The following SAMD5 variants were observed in gnomAD, a reference collection of about 807,000 sequenced individuals.
SAMD5 encodes sterile alpha motif domain containing 5.
A neutral mutation model predicts 11.3 loss-of-function variants in SAMD5; 13 were observed. That is an observed-to-expected ratio of 1.15 (90% confidence interval 0.75 to 1.83). The LOEUF is 1.83. SAMD5 is among the 40% of genes most tolerant of loss of function. The probability of loss-of-function intolerance (pLI) is 0.00; values close to 1 mark genes in which losing one functional copy is unlikely to be tolerated. For synonymous variants in SAMD5, 129 were observed against 111.3 expected (o/e 1.16, Z -1.00); for missense variants, 255 against 239.1 (o/e 1.07, Z -0.44).
intron 1 of SAMD5, among the ~76,000 whole-genome samples, chr6:147,523,000 G>A (rs928789773): frequency 1.3e-5 from 2 of 152,028 alleles, no homozygotes; most frequent in African/African-American, 2.4e-5. Context: ...TTTTTTCTCA[G>A]TATAGTTGAG....
At chr6:147,916,215 A>G in the SAMD5 span, among the ~76,000 whole-genome samples, 1 of 152,016 alleles carries the variant, frequency 6.6e-6, no homozygotes, top group African/African-American at 2.4e-5. Flanking sequence ...ATAAACATAC[A>G]TGTGCATGTG....
At chr6:147,826,980 C>T in the SAMD5 span, among the ~76,000 whole-genome samples, 1 of 152,132 alleles carries the variant, frequency 6.6e-6, no homozygotes, top group Admixed American at 6.6e-5. Flanking sequence ...TGTCAATCAT[C>T]CTACACCCGC....
At chr6:147,819,394 A>G in the SAMD5 span, among the ~76,000 whole-genome samples, 1 of 152,138 alleles carries the variant, frequency 6.6e-6, no homozygotes, top group Non-Finnish European at 1.5e-5. Flanking sequence ...AGGTTTTGAC[A>G]CAGATTTACC....
chr6:147,838,819 C>A, the SAMD5 span, among the ~76,000 whole-genome samples: 2 of 152,262 alleles, frequency 1.3e-5, no homozygotes, highest in African/African-American at 4.8e-5. Flanking sequence ...AAGGCAGCAG[C>A]CCTCCACATA....
At chr6:147,856,472 A>G in the SAMD5 span, among the ~76,000 whole-genome samples, 1 of 152,238 alleles carries the variant, frequency 6.6e-6, no homozygotes, top group African/African-American at 2.4e-5. Flanking sequence ...AAGAAGTTAC[A>G]AAGTAGCCAT....
intron 1 of SAMD5, among the ~76,000 whole-genome samples, chr6:147,713,824 C>G (rs1791431048): frequency 6.6e-6 from 1 of 152,108 alleles, no homozygotes; most frequent in African/African-American, 2.4e-5. Context: ...TTCCCCTCTT[C>G]TCTCCTCCCT....
At chr6:147,752,686 A>G in the SAMD5 span, among the ~76,000 whole-genome samples, 139 of 152,246 alleles carry the variant, frequency 9.1e-4, no homozygotes, top group Non-Finnish European at 1.2e-4. Context: ...CTGAAATTGT[A>G]TTATATTTAC....
chr6:147,606,450 C>A (rs1181052530), intron 1 of SAMD5, among the ~76,000 whole-genome samples: 1 of 151,676 alleles, frequency 6.6e-6, no homozygotes, highest in African/African-American at 2.4e-5. Flanking sequence ...GCCTGATGGC[C>A]CACGGTAAGT....
intron 1 of SAMD5, among the ~76,000 whole-genome samples, chr6:147,609,277 G>C (rs991673983): frequency 2.0e-5 from 3 of 152,144 alleles, no homozygotes; most frequent in Admixed American, 6.5e-5. Context: ...CACATACAGG[G>C]GGAGCACTTT....
chr6:147,673,103 T>C (rs752532667), intron 1 of SAMD5, among the ~76,000 whole-genome samples: 9 of 152,218 alleles, frequency 5.9e-5, no homozygotes, highest in African/African-American at 1.2e-4. Context: ...TTTTCTTATC[T>C]TGTCCTTGGC....
chr6:147,559,600 A>C (rs150085520), intron 1 of SAMD5, among the ~76,000 whole-genome samples: 1 of 152,300 alleles, frequency 6.6e-6, no homozygotes, highest in African/African-American at 2.4e-5. Flanking sequence ...GGAAGTAGAG[A>C]AAATTATTTC....
chr6:147,542,343 C>T (rs939036922), intron 1 of SAMD5, among the ~76,000 whole-genome samples: 1 of 152,180 alleles, frequency 6.6e-6, no homozygotes, highest in African/African-American at 2.4e-5. Flanking sequence ...TTTGTAACCA[C>T]CCAAGGGGTT....
the SAMD5 span, among the ~76,000 whole-genome samples, chr6:147,759,128 T>C: frequency 6.6e-6 from 1 of 152,316 alleles, no homozygotes; most frequent in South Asian, 2.1e-4. Flanking sequence ...TGTTTACATA[T>C]GGTGAAATGT....
chr6:147,525,150 T>TA (rs1387612513), intron 1 of SAMD5, among the ~76,000 whole-genome samples: 14 of 151,286 alleles, frequency 9.3e-5, no homozygotes, highest in African/African-American at 3.4e-4. Context: ...AGATTTTTAT[T>TA]TAAAAAAAAA....
intron 1 of SAMD5, among the ~76,000 whole-genome samples, chr6:147,525,399 A>T (rs1465699864): frequency 1.3e-5 from 2 of 149,528 alleles, no homozygotes; most frequent in Non-Finnish European, 3.0e-5. Flanking sequence ...GCCAGCCTGG[A>T]GTGGGAATAC....
chr6:147,767,107 T>A, the SAMD5 span, among the ~76,000 whole-genome samples: 1 of 152,232 alleles, frequency 6.6e-6, no homozygotes, highest in Non-Finnish European at 1.5e-5. Context: ...GTTATGTAAC[T>A]ATACTGAGAG....
chr6:147,723,431 C>T (rs1040023010), intron 1 of SAMD5, among the ~76,000 whole-genome samples: 6 of 152,198 alleles, frequency 3.9e-5, no homozygotes, highest in Non-Finnish European at 8.8e-5. Context: ...GCCTACCCTT[C>T]CCCTAGCAGC....
chr6:147,552,430 T>C (rs746907976), intron 1 of SAMD5, among the ~76,000 whole-genome samples: 9 of 152,180 alleles, frequency 5.9e-5, no homozygotes, highest in African/African-American at 2.2e-4. Context: ...AGAATCCAAT[T>C]TCCACTTCAG....
the SAMD5 span, among the ~76,000 whole-genome samples, chr6:147,800,766 A>T: frequency 6.6e-6 from 1 of 152,230 alleles, no homozygotes; most frequent in Non-Finnish European, 1.5e-5. Context: ...AGTTTTCATG[A>T]TGAATCAAAT....
Sources: gnomAD v4.1 joint callset for allele counts (sites outside exome capture counted in the v4.1 genomes callset) on GRCh38, gnomAD v4.1.1 for gene constraint, MANE v1.5 for transcripts, NCBI Gene and HGNC (gene_info 2026-07-23, HGNC 2026-07-21) for gene names.